TTLL4: variants seen among roughly 807,000 people sequenced by gnomAD.
TTLL4 encodes the protein tubulin tyrosine ligase like 4, also known as tubulin monoglutamylase TTLL4.
In TTLL4, 85 loss-of-function variants were observed where a neutral mutation model predicts 122.7. The observed-to-expected ratio is 0.69, with a 90% CI of 0.58 to 0.83. The LOEUF is 0.83. TTLL4 is among the 40% of genes least tolerant of loss of function. The pLI, the probability that TTLL4 is intolerant of heterozygous loss-of-function variation, is 0.00. For missense variants in TTLL4, 1,363 were observed against 1,488.6 expected, an observed-to-expected ratio of 0.92 and a Z score of 1.39; for synonymous variants, 553 against 563.0, an observed-to-expected ratio of 0.98 and a Z score of 0.25.
chr2:218,730,114 G>A (rs1942324987), intron 2 of TTLL4, among the ~76,000 whole-genome samples: 1 of 151,792 alleles, frequency 6.6e-6, no homozygotes, highest in Admixed American at 6.6e-5. Context: ...TCCAATCTGT[G>A]TATCTTTGAT....
chr2:218,744,702 C>A (rs192087183), intron 5 of TTLL4, among the ~76,000 whole-genome samples: 2 of 151,958 alleles, frequency 1.3e-5, no homozygotes, highest in South Asian at 4.2e-4. Context: ...TTTGGTTTTC[C>A]TCCTTCGTAA....
At chr2:218,732,675 G>A (rs1163226998) in intron 2 of TTLL4, among the ~76,000 whole-genome samples, 1 of 152,158 alleles carries the variant, frequency 6.6e-6, no homozygotes, top group Non-Finnish European at 1.5e-5. Flanking sequence ...GTCTTCAGAA[G>A]CTTTTTAAAG....
chr2:218,717,220 C>T (rs796682275), intron 1 of TTLL4, among the ~76,000 whole-genome samples: 21 of 152,152 alleles, frequency 1.4e-4, no homozygotes, highest in African/African-American at 5.1e-4. Flanking sequence ...ACCTTAGCCT[C>T]CCAAAGTGTT....
rs868167806 is a variant in TTLL4 at position 218,753,648 on chromosome 2, A to C, written c.3323A>C (p.Lys1108Thr). 6.2e-7 allele frequency: 1 copy of C among 1,614,000 alleles called. No homozygotes were observed. Among genetic ancestry groups the C allele is most frequent in the Non-Finnish European group, 8.5e-7 (1 of 1,180,050 alleles). Residue 1108 changes from lysine to threonine, a missense_variant, in exon 19 of 20, where the codon AAA becomes ACA. Transcript: ENST00000392102. ...GACGTGATACTCAATGCCTTCAGCA[A>C]ATCAGAGACTAGCAAGCTGGGGTGA... ...KDDVILNAFS[K>T]SETSKLGKQS... is the part of the protein sequence containing the mutation.
At chr2:218,721,046 C>T (rs1453831103) in intron 1 of TTLL4, among the ~76,000 whole-genome samples, 1 of 152,208 alleles carries the variant, frequency 6.6e-6, no homozygotes, top group Non-Finnish European at 1.5e-5. Flanking sequence ...CCGGTAACAG[C>T]ACGGAAGCTC....
At chr2:218,716,558 G>T (rs1394557275) in intron 1 of TTLL4, among the ~76,000 whole-genome samples, 1 of 152,248 alleles carries the variant, frequency 6.6e-6, no homozygotes, top group Non-Finnish European at 1.5e-5. Context: ...GGGAGGCCGA[G>T]GCGGGCAGAT....
In TTLL4 at chr2:218,737,912, C is replaced by T; in HGVS notation, c.236C>T (p.Ala79Val). 6.2e-7 allele frequency: 1 copy of T among 1,614,236 alleles called. No homozygotes were observed. Among genetic ancestry groups the T allele is most frequent in the Non-Finnish European group, 8.5e-7 (1 of 1,180,048 alleles). The change falls in exon 3 of 20, where the codon GCA (alanine) becomes GTA (valine). Residue 79 changes from alanine to valine, a missense_variant. This residue lies in a region of TTLL4 where 760 missense variants were observed against 808.4 expected (regional missense o/e 0.94). Transcript: ENST00000392102. ...CTCTTGGGCGTCCCACCCCAGCCAG[C>T]ATATTTCTTTTGCCCCAGCACTTTA... ...PGLLGVPPQP[A>V]YFFCPSTLCS...
chr2:218,751,666 G>T, intron 15 of TTLL4, 38 bp from the exon 16 acceptor site: 1 of 1,604,604 alleles, frequency 6.2e-7, no homozygotes, highest in South Asian at 1.1e-5. Flanking sequence ...AGAAGCTGCT[G>T]ACCCTGCCCT....
chr2:218,743,191 C>T (rs1942750789), intron 5 of TTLL4, among the ~76,000 whole-genome samples: 1 of 151,860 alleles, frequency 6.6e-6, no homozygotes, highest in African/African-American at 2.4e-5. Context: ...GTAGGAATTC[C>T]TCCTCCTCCT....
chr2:218,751,944 G>A (rs762770892), intron 16 of TTLL4, 138 bp downstream of exon 16: 78 of 457,012 alleles, frequency 1.7e-4, no homozygotes, highest in Non-Finnish European at 1.9e-4. Context: ...TTTCACTCTT[G>A]TTGCCCAGGC....
chr2:218,758,510 C>T (rs949729914), downstream of TTLL4, among the ~76,000 whole-genome samples: 2 of 151,944 alleles, frequency 1.3e-5, no homozygotes, highest in African/African-American at 4.8e-5. Context: ...ATTACAATAG[C>T]GTGTTAATAT....
chr2:218,746,344 T>C, intron 8 of TTLL4, 113 bp downstream of exon 8: 29 of 1,183,564 alleles, frequency 2.5e-5, no homozygotes, highest in Non-Finnish European at 3.6e-5. Context: ...CATGGAGAAG[T>C]CAGGAAGGTG....
Position 218,754,531 on chromosome 2 carries a change from T to A in TTLL4, c.*142T>A. The A allele has an allele frequency of 8.9e-7, 1 of 1,126,076 alleles. No individual in the cohort carries two copies. The highest frequency in any genetic ancestry group is 1.2e-6 in the Non-Finnish European group (1 of 805,150). 69.8% of individuals were successfully genotyped at this position (1,126,076 alleles called of 1,614,324 possible). A position where few individuals can be genotyped will look rare whatever the true frequency, so the allele number is the denominator to read the frequency against. On this transcript the variant is annotated 3_prime_UTR_variant, in exon 20 of 20. Transcript: ENST00000392102. ...AGTATTTTTTGAAGTGGTTGCATTA[T>A]AGAGATGGGTATTTGTAGGGCCGGA...
rs529358314 is a variant in TTLL4 at position 218,754,510 on chromosome 2, T to C, written c.*121T>C. 8 of 1,340,354 alleles carry C rather than the reference T, an allele frequency of 6.0e-6. No individual in the cohort carries two copies. The South Asian group carries it at 9.8e-5, about 16-fold the overall frequency. The allele number at this position is 1,340,354 out of a possible 1,614,324, so 83.0% of individuals were successfully genotyped here. On this transcript the variant is annotated 3_prime_UTR_variant, in exon 20 of 20. Transcript: ENST00000392102. Reference sequence around the variant, plus strand: ...TTTCACCCTGTCCCTCCTCAGAGTATTTTTTGAAGTGGTTGCATTATAGAG... The same window carrying C: ...TTTCACCCTGTCCCTCCTCAGAGTACTTTTTGAAGTGGTTGCATTATAGAG...
intron 1 of TTLL4, among the ~76,000 whole-genome samples, chr2:218,711,404 C>T (rs1265425945): frequency 6.6e-6 from 1 of 152,058 alleles, no homozygotes; most frequent in Non-Finnish European, 1.5e-5. Flanking sequence ...TCCTCGCAGG[C>T]TCCAGGGCCG....
chr2:218,717,625 C>T (rs1941902747), intron 1 of TTLL4, among the ~76,000 whole-genome samples: 1 of 152,176 alleles, frequency 6.6e-6, no homozygotes, highest in Non-Finnish European at 1.5e-5. Flanking sequence ...CGGACCCACC[C>T]TTCTCACTAG....
At chr2:218,718,368 ATTTTC>A (rs1000571296) in intron 1 of TTLL4, among the ~76,000 whole-genome samples, 3 of 150,534 alleles carry the variant, frequency 2.0e-5, no homozygotes, top group South Asian at 2.1e-4. Context: ...GCAGCAATAG[ATTTTC>A]TTTTCTTTTT....
intron 2 of TTLL4, among the ~76,000 whole-genome samples, chr2:218,729,752 A>AC (rs1457781746): frequency 4.9e-5 from 5 of 102,552 alleles, no homozygotes; most frequent in Non-Finnish European, 9.9e-5. Flanking sequence ...TCTTTTTAAA[A>AC]AAAAAAAAAA....
At chr2:218,748,778 G>C in intron 12 of TTLL4, 58 bp from the exon 13 acceptor site, 1 of 1,495,480 alleles carries the variant, frequency 6.7e-7, no homozygotes, top group South Asian at 1.2e-5. Flanking sequence ...GTTTTTCTTT[G>C]TCTTTGTCAC....
Sources: allele counts gnomAD v4.1 joint callset (sites outside exome capture counted in the v4.1 genomes callset), GRCh38; gene constraint gnomAD v4.1.1; regional missense constraint gnomAD v4.1.1; transcripts MANE v1.5; gene names NCBI Gene and HGNC (gene_info 2026-07-23, HGNC 2026-07-21).